Variants in KLHL25 observed in about 807,000 individuals in gnomAD.
The protein encoded by KLHL25 is kelch-like protein 25.
A neutral mutation model predicts 30.0 loss-of-function variants in KLHL25; 41 were observed. That is an observed-to-expected ratio of 1.37 (90% CI 1.07 to 1.78). The LOEUF (loss-of-function observed/expected upper bound fraction) is 1.78, where lower values mean the gene tolerates loss of function less well. KLHL25 is among the 40% of genes most tolerant of loss of function. The pLI, the probability that KLHL25 is intolerant of heterozygous loss-of-function variation, is 0.00. For synonymous variants in KLHL25, 399 were observed against 355.3 expected, an observed-to-expected ratio of 1.12 and a Z score of -1.38; for missense variants, 971 against 824.5, an observed-to-expected ratio of 1.18 and a Z score of -2.18.
In KLHL25 at chr15:85,768,275, G is replaced by A. The variant is rs2089638062; in HGVS notation, c.1536C>T (p.Asp512=). The A allele has an allele frequency of 6.2e-7, 1 of 1,614,140 alleles. No individual in the cohort carries two copies. Among genetic ancestry groups the A allele is most frequent in the Admixed American group, 1.7e-5 (1 of 60,034 alleles). The part of the protein sequence containing the change: ...EFTAASAYRF[D]CETNQWTRIG... ...TCCGCGTCCACTGGTTGGTCTCACA[G>A]TCAAAGCGGTAGGCCGAGGCGGCTG... Residue 512 remains aspartate (D), a synonymous_variant, in exon 2 of 3, where the codon GAC becomes GAT. Coordinates refer to ENST00000337975, the MANE Select transcript of KLHL25 (RefSeq NM_022480.4).
intron 1 of KLHL25, among the ~76,000 whole-genome samples, chr15:85,778,059 G>A (rs990142018): frequency 1.3e-5 from 2 of 152,232 alleles, no homozygotes; most frequent in Non-Finnish European, 2.9e-5. Flanking sequence ...CTGTACAGGA[G>A]AAAGATTTTA....
At position 85,769,666 on chromosome 15, in the gene KLHL25, T is replaced by G; in HGVS notation, c.145A>C (p.Thr49Pro). 6.2e-7 allele frequency: 1 copy of G among 1,613,698 alleles called. No individual in the cohort carries two copies. Among genetic ancestry groups the G allele is most frequent in the Non-Finnish European group, 8.5e-7 (1 of 1,180,016 alleles). Residue 49 changes from threonine (T) to proline (P), a missense_variant, in exon 2 of 3, where the codon ACA (threonine) becomes CCA (proline). By Grantham distance (38) the Thr-to-Pro change is conservative (BLOSUM62 -1). Transcript: ENST00000337975. ...LRKHCMFTDV[T>P]LWAGDRAFPC... ...AAGGCACGGTCGCCCGCCCAGAGTG[T>G]GACGTCGGTGAACATGCAGTGCTTG...
intron 2 of KLHL25, chr15:85,763,791 A>T (rs1170069105): frequency 6.6e-6 from 1 of 152,264 alleles, no homozygotes; most frequent in Non-Finnish European, 1.5e-5. Context: ...CCTTGGCCTG[A>T]TCCCCACTGC....
At position 85,769,091 on chromosome 15, in the gene KLHL25, C is replaced by T; in HGVS notation, c.720G>A (p.Leu240=). The T allele has an allele frequency of 6.2e-7, 1 of 1,606,598 alleles. No individual in the cohort carries two copies. The highest frequency in any genetic ancestry group is 8.5e-7 in the Non-Finnish European group (1 of 1,175,232). The change falls in exon 2 of 3, where the codon TTG becomes TTA. Residue 240 remains leucine (L), a synonymous_variant. Coordinates refer to ENST00000337975, the MANE Select transcript of KLHL25 (RefSeq NM_022480.4). Reference sequence around the variant, plus strand: ...CCTCCTGCAGGCAGTCGGACGGCAGCAAGGCCAGACGCACGCTGCGGAGGA... The same window carrying T: ...CCTCCTGCAGGCAGTCGGACGGCAGTAAGGCCAGACGCACGCTGCGGAGGA... ...PELLRSVRLA[L]LPSDCLQEAV... is the part of the protein sequence containing the mutation.
intron 1 of KLHL25, chr15:85,771,046 C>G (rs2089667940): frequency 5.1e-6 from 1 of 194,522 alleles, no homozygotes; most frequent in African/African-American, 2.4e-5. Context: ...GCCCCACTGA[C>G]CTGTGGAAGG....
chr15:85,785,176 C>T (rs1426414079), intron 1 of KLHL25, among the ~76,000 whole-genome samples: 2 of 149,506 alleles, frequency 1.3e-5, no homozygotes, highest in Non-Finnish European at 3.0e-5. Flanking sequence ...TCACTGCCAG[C>T]TCCGCCTCCC....
chr15:85,768,910 C>T lies in KLHL25; in HGVS notation c.901G>A (p.Gly301Arg), dbSNP rs752494454. Reference sequence around the variant, plus strand: ...TTGTCACACATGAAGGTCTGGCCCCCCAGGATGAGTAGCGTGTGGCCCGCC... The same window carrying T: ...TTGTCACACATGAAGGTCTGGCCCCTCAGGATGAGTAGCGTGTGGCCCGCC... ...RKAGHTLLIL[G>R]GQTFMCDKIY... Residue 301 changes from glycine (G) to arginine (R), a missense_variant, in exon 2 of 3, where the codon GGG (glycine) becomes AGG (arginine). Coordinates refer to ENST00000337975, the MANE Select transcript of KLHL25 (RefSeq NM_022480.4). The T allele has an allele frequency of 6.2e-7, 1 of 1,613,234 alleles. No individual in the cohort carries two copies. The highest frequency in any genetic ancestry group is 8.5e-7 in the Non-Finnish European group (1 of 1,180,050).
chr15:85,767,993 G>T, intron 2 of KLHL25, 24 bp downstream of exon 2: 1 of 1,481,818 alleles, frequency 6.7e-7, no homozygotes, highest in Non-Finnish European at 9.2e-7. Flanking sequence ...GACCCAGAGT[G>T]GCCGTGGGCT....
chr15:85,790,866 C>T (rs984812511), intron 1 of KLHL25, among the ~76,000 whole-genome samples: 1 of 148,500 alleles, frequency 6.7e-6, no homozygotes, highest in Non-Finnish European at 1.5e-5. Flanking sequence ...TGCAATTTCT[C>T]AATGAAATTG....
In KLHL25 at chr15:85,768,678, C is replaced by T. The variant is rs375976041; in HGVS notation, c.1133G>A (p.Arg378His). ...WSKAAPMLIA[R>H]FGHGSAELEN... ...CAGCTCAGCTGAGCCATGGCCAAAG[C>T]GGGCAATCAGCATGGGCGCCGCCTT... The change falls in exon 2 of 3, where the codon CGC (arginine) becomes CAC (histidine). Residue 378 changes from arginine to histidine, a missense_variant. By Grantham distance (29) the Arg-to-His change is conservative. Transcript: ENST00000337975. The T allele has an allele frequency of 1.7e-5, 28 of 1,613,106 alleles. No individual in the cohort carries two copies. The highest frequency in any genetic ancestry group is 8.9e-5 in the East Asian group (4 of 44,864).
At chr15:85,776,796 G>A (rs991323049) in intron 1 of KLHL25, among the ~76,000 whole-genome samples, 4 of 151,732 alleles carry the variant, frequency 2.6e-5, no homozygotes, top group Non-Finnish European at 5.9e-5. Context: ...GTGGTGGCGG[G>A]TGCCTATAGT....
intron 2 of KLHL25, chr15:85,763,107 G>A (rs945928973): frequency 2.0e-5 from 3 of 152,466 alleles, no homozygotes; most frequent in Non-Finnish European, 2.9e-5. Context: ...CCCAGTGGGA[G>A]AGAAAGAGAG....
intron 2 of KLHL25, among the ~76,000 whole-genome samples, chr15:85,765,323 C>G (rs904392503): frequency 8.7e-6 from 1 of 115,606 alleles, no homozygotes; most frequent in African/African-American, 3.3e-5. Context: ...TCTCTAAAGA[C>G]AGCAGATTAA....
chr15:85,765,920 C>T (rs2089621224), intron 2 of KLHL25, among the ~76,000 whole-genome samples: 1 of 151,968 alleles, frequency 6.6e-6, no homozygotes, highest in Admixed American at 6.5e-5. Flanking sequence ...GCCCAAACAC[C>T]CTGTGTTCAC....
Position 85,769,481 on chromosome 15 carries a change from G to T in KLHL25, c.330C>A (p.Ile110=), listed in dbSNP as rs145878071. ...LLLDFAYSSR[I]AINEENAESL... is the part of the protein sequence containing the mutation. ...ACTCAGCGTTCTCCTCGTTGATGGC[G>T]ATGCGTGAGGAGTAGGCAAAGTCCA... The change falls in exon 2 of 3, where the codon ATC becomes ATA. Residue 110 remains isoleucine (I), a synonymous_variant. Coordinates refer to ENST00000337975, the MANE Select transcript of KLHL25 (RefSeq NM_022480.4). 3.1e-6 allele frequency: 5 copies of T among 1,614,008 alleles called. No homozygotes were observed. Among genetic ancestry groups the T allele is most frequent in the Non-Finnish European group, 4.2e-6 (5 of 1,180,026 alleles).
chr15:85,769,388 C>T lies in KLHL25; in HGVS notation c.423G>A (p.Glu141=). ...GGCAGTTGGAGGGGAAAAGGTTCTT[C>T]TCCAGGAACTCGGCGGCAGCATCCC... ...DVRDAAAEFL[E]KNLFPSNCLG... is the part of the protein sequence containing the mutation. The change falls in exon 2 of 3, where the codon GAG becomes GAA. Residue 141 remains glutamate, a synonymous_variant. Transcript: ENST00000337975. 6.2e-7 allele frequency: 1 copy of T among 1,614,158 alleles called. No homozygotes were observed. The highest frequency in any genetic ancestry group is 8.5e-7 in the Non-Finnish European group (1 of 1,180,040).
At chr15:85,764,348 G>A (rs1435780284) in intron 2 of KLHL25, 2 of 152,590 alleles carry the variant, frequency 1.3e-5, no homozygotes, top group Admixed American at 6.5e-5. Context: ...TCAGGCTGAG[G>A]AGGGGCTGCG....
intron 2 of KLHL25, among the ~76,000 whole-genome samples, chr15:85,766,301 G>C (rs1397815942): frequency 2.0e-5 from 3 of 152,216 alleles, no homozygotes; most frequent in Non-Finnish European, 4.4e-5. Context: ...AGTGCACCCA[G>C]GGATCTTATG....
chr15:85,791,176 C>T lies in KLHL25; in HGVS notation c.-11+3590G>A, dbSNP rs1203504754. 4.4e-4 allele frequency among the ~76,000 whole-genome samples: 52 copies of T among 117,710 alleles called. 1 individual carries two copies. Among genetic ancestry groups the T allele is most frequent in the Non-Finnish European group, 5.0e-5 (3 of 59,784 alleles). 77.2% of individuals were successfully genotyped at this position (117,710 alleles called of 152,430 possible). ...CACCACTGCACTCCAGCCTGGGCTACAAGGTAAGACTCAGTCTCAAAAAAA... is the reference window on the plus strand; with the variant it reads ...CACCACTGCACTCCAGCCTGGGCTATAAGGTAAGACTCAGTCTCAAAAAAA... On this transcript the variant is annotated intron_variant, in intron 1 of 2. Transcript: ENST00000337975.
Sources: gnomAD v4.1 joint callset for allele counts (sites outside exome capture counted in the v4.1 genomes callset) on GRCh38, gnomAD v4.1.1 for gene constraint, MANE v1.5 for transcripts, NCBI Gene and HGNC (gene_info 2026-07-23, HGNC 2026-07-21) for gene names.